Variants in RAPSN observed in about 807,000 individuals in gnomAD.
RAPSN encodes 43 kDa receptor-associated protein of the synapse.
A neutral mutation model predicts 45.7 loss-of-function variants in RAPSN; 33 were observed. The observed-to-expected ratio is 0.72, with a 90% CI of 0.55 to 0.97. The LOEUF is 0.97. RAPSN is among the 50% of genes least tolerant of loss of function. The probability of loss-of-function intolerance (pLI) is 0.00; values close to 1 mark genes in which losing one functional copy is unlikely to be tolerated. For synonymous variants in RAPSN, 244 were observed against 233.6 expected (o/e 1.04, Z -0.40); for missense variants, 519 against 559.4 (o/e 0.93, Z 0.73).
intron 2 of RAPSN, among the ~76,000 whole-genome samples, chr11:47,443,365 C>G (rs2076380032): frequency 6.6e-6 from 1 of 152,184 alleles, no homozygotes; most frequent in African/African-American, 2.4e-5. Context: ...TTTCTACCTG[C>G]TCATGGTCAG....
At chr11:47,443,309 G>A (rs1043446641) in intron 2 of RAPSN, among the ~76,000 whole-genome samples, 2 of 152,176 alleles carry the variant, frequency 1.3e-5, no homozygotes, top group African/African-American at 2.4e-5. Context: ...TCAGCGAGGC[G>A]ATGCAACCAT....
At chr11:47,444,462 A>G (rs2076389016) in intron 2 of RAPSN, among the ~76,000 whole-genome samples, 1 of 151,984 alleles carries the variant, frequency 6.6e-6, no homozygotes, top group Admixed American at 6.6e-5. Context: ...TCGCTTGAAC[A>G]CAGGAGTTTT....
chr11:47,448,025 G>A lies in RAPSN; in HGVS notation c.318C>T (p.Cys106=), dbSNP rs2076423585. 7 of 1,613,936 alleles carry A rather than the reference G, an allele frequency of 4.3e-6. No individual in the cohort carries two copies. Among genetic ancestry groups the A allele is most frequent in the Non-Finnish European group, 5.9e-6 (7 of 1,180,008 alleles). The part of the protein sequence containing the change: ...LCEFHKTISY[C]KTCLGLPGTR... Reference sequence around the variant, plus strand: ...TACCAGGCAGCCCAAGGCAGGTCTTGCAGTAGGAGATGGTCTTGTGAAACT... The same window carrying A: ...TACCAGGCAGCCCAAGGCAGGTCTTACAGTAGGAGATGGTCTTGTGAAACT... Residue 106 remains cysteine (C), a synonymous_variant, in exon 2 of 8, where the codon TGC becomes TGT. Coordinates refer to ENST00000298854, the MANE Select transcript of RAPSN (RefSeq NM_005055.5).
At position 47,437,951 on chromosome 11, in the gene RAPSN, G is replaced by A; in HGVS notation, c.*24C>T. The stretch of plus-strand genomic sequence containing the variant: ...GAGAAAGAGCAGGAGTGGCGAGGAG[G>A]AAGCCCACGCCTGCTGCCAGGAGTC... On this transcript the variant is annotated 3_prime_UTR_variant, in exon 8 of 8. Transcript: ENST00000298854. 1 of 1,550,722 alleles carries A rather than the reference G, an allele frequency of 6.4e-7. No homozygotes were observed. The highest frequency in any genetic ancestry group is 8.7e-7 in the Non-Finnish European group (1 of 1,146,644).
intron 6 of RAPSN, among the ~76,000 whole-genome samples, chr11:47,439,388 C>G (rs984848459): frequency 1.3e-5 from 2 of 152,140 alleles, no homozygotes; most frequent in Non-Finnish European, 2.9e-5. Context: ...GCAGGAGAAT[C>G]GCTTGAACCC....
In RAPSN at chr11:47,438,857, C is replaced by G. The variant is rs149683345; in HGVS notation, c.1041G>C (p.Ala347=). ...CGCACTCGTGGAACCTCACAACGTG[C>G]GCCCGCAGTTCCCGCTGCAGCCCTT... is the stretch of plus-strand genomic sequence containing the variant. ...RSKGLQRELR[A]HVVRFHECVE... The change falls in exon 7 of 8, where the codon GCG becomes GCC. Residue 347 remains alanine, a synonymous_variant. Coordinates refer to ENST00000298854, the MANE Select transcript of RAPSN (RefSeq NM_005055.5). The G allele has an allele frequency of 6.4e-7, 1 of 1,569,428 alleles. No individual in the cohort carries two copies. Among genetic ancestry groups the G allele is most frequent in the African/African-American group, 1.3e-5 (1 of 74,208 alleles).
intron 2 of RAPSN, among the ~76,000 whole-genome samples, chr11:47,446,598 G>A (rs868624010): frequency 6.6e-6 from 1 of 152,100 alleles, no homozygotes; most frequent in Non-Finnish European, 1.5e-5. Context: ...TACCTGAGGG[G>A]AAAGGGAACA....
At chr11:47,448,626 C>T (rs1438570218) in intron 1 of RAPSN, 147 bp downstream of exon 1, 3 of 975,972 alleles carry the variant, frequency 3.1e-6, no homozygotes, top group South Asian at 3.1e-5. Context: ...AGACCCAGGG[C>T]CTTAGATATA....
chr11:47,440,905 T>C (rs1473913919), intron 6 of RAPSN, among the ~76,000 whole-genome samples: 1 of 152,140 alleles, frequency 6.6e-6, no homozygotes, highest in Non-Finnish European at 1.5e-5. Context: ...TCCAGCCCAC[T>C]GTTAGGGGTT....
At chr11:47,447,722 G>A in intron 2 of RAPSN, 90 bp downstream of exon 2, 3 of 1,389,822 alleles carry the variant, frequency 2.2e-6, no homozygotes, top group Non-Finnish European at 3.0e-6. Context: ...CTAAAAGGAG[G>A]GCTGAATGAG....
In RAPSN at chr11:47,438,719, C is replaced by A. The variant is rs745720985; in HGVS notation, c.1166+13G>T. The stretch of plus-strand genomic sequence containing the variant: ...TCCTGCCCACCCCTGTCCACCCCCC[C>A]AGGAGCCCCCACCTGAGGTGGAAGA... On this transcript the variant is annotated intron_variant, in intron 7 of 7. Coordinates refer to ENST00000298854, the MANE Select transcript of RAPSN (RefSeq NM_005055.5). 2 of 1,555,830 alleles carry A rather than the reference C, an allele frequency of 1.3e-6. No individual in the cohort carries two copies. The highest frequency in any genetic ancestry group is 1.2e-5 in the South Asian group (1 of 84,144).
At chr11:47,447,667 G>T in intron 2 of RAPSN, 145 bp downstream of exon 2, 3 of 995,306 alleles carry the variant, frequency 3.0e-6, no homozygotes, top group Non-Finnish European at 4.5e-6. Context: ...TTACCTTCCT[G>T]GATAAGCCTT....
intron 6 of RAPSN, among the ~76,000 whole-genome samples, chr11:47,440,294 T>C (rs887521316): frequency 6.6e-6 from 1 of 152,106 alleles, no homozygotes; most frequent in Non-Finnish European, 1.5e-5. Context: ...TTTGTTTGTT[T>C]TGAGATAAGG....
At chr11:47,439,732 A>AGATG (rs2076348697) in intron 6 of RAPSN, among the ~76,000 whole-genome samples, 1 of 20,338 alleles carries the variant, frequency 4.9e-5, no homozygotes, top group Non-Finnish European at 1.5e-4. Flanking sequence ...TTTTTTTTTT[A>AGATG]GATGGAGTCT....
intron 6 of RAPSN, among the ~76,000 whole-genome samples, chr11:47,440,734 G>A (rs1268522671): frequency 6.6e-6 from 1 of 152,192 alleles, no homozygotes; most frequent in Non-Finnish European, 1.5e-5. Flanking sequence ...GGAGACAAGA[G>A]CAAAACTCAA....
In RAPSN at chr11:47,440,625, A is replaced by G. The variant is rs78559029; in HGVS notation, c.966+534T>C. 4.7e-3 allele frequency among the ~76,000 whole-genome samples: 721 copies of G among 152,256 alleles called. 44 individuals are homozygous for G. The East Asian group carries it at 0.12, about 25-fold the overall frequency. On this transcript the variant is annotated intron_variant, in intron 6 of 7. Coordinates refer to ENST00000298854, the MANE Select transcript of RAPSN (RefSeq NM_005055.5). ...TAGCCCAGTGTGGTGGCGGGTGCCT[A>G]TAATCCCAGCTACTCAGGAGGCTGA...
rs774372753 is a variant in RAPSN, at chr11:47,438,718, C to A, written c.1166+14G>T. 1 of 1,555,388 alleles carries A rather than the reference C, an allele frequency of 6.4e-7. No homozygotes were observed. The highest frequency in any genetic ancestry group is 2.4e-5 in the East Asian group (1 of 41,936). On this transcript the variant is annotated intron_variant, in intron 7 of 7. Coordinates refer to ENST00000298854, the MANE Select transcript of RAPSN (RefSeq NM_005055.5). ...ATCCTGCCCACCCCTGTCCACCCCC[C>A]CAGGAGCCCCCACCTGAGGTGGAAG...
rs1445412079 is a variant in RAPSN, at chr11:47,448,896, C to A, written c.69G>T (p.Glu23Asp). 1 of 1,614,244 alleles carries A rather than the reference C, an allele frequency of 6.2e-7. No homozygotes were observed. The highest frequency in any genetic ancestry group is 2.2e-5 in the East Asian group (1 of 44,874). Reference protein sequence around the residue: ...GLQLYQSNQTEKALQVWTKVL... With the variant: ...GLQLYQSNQTDKALQVWTKVL... ...CCTTTGTCCACACCTGCAATGCCTT[C>A]TCTGTCTGGTTGGACTGGTACAGCT... The change falls in exon 1 of 8, where the codon GAG becomes GAT. Residue 23 changes from glutamate to aspartate, a missense_variant. Glu to Asp is a conservative substitution (Grantham distance 45, BLOSUM62 2). Transcript: ENST00000298854.
At position 47,441,906 on chromosome 11, in the gene RAPSN, C is replaced by T. The variant is rs545915312; in HGVS notation, c.706G>A (p.Ala236Thr). Residue 236 changes from alanine to threonine, a missense_variant, in exon 4 of 8, where the codon GCG becomes ACG. By Grantham distance (58) the Ala-to-Thr change is moderately conservative (BLOSUM62 0). Coordinates refer to ENST00000298854, the MANE Select transcript of RAPSN (RefSeq NM_005055.5). ...AGTGGCCGGTCCCCGTGCTGCAGCG[C>T]GATCTTCATAGACTCCTGCGAGGGA... Reference protein sequence around the residue: ...MECCEESMKIALQHGDRPLQA... With the variant: ...MECCEESMKITLQHGDRPLQA... The T allele has an allele frequency of 1.8e-5, 29 of 1,575,804 alleles. No individual in the cohort carries two copies. The highest frequency in any genetic ancestry group is 8.2e-5 in the African/African-American group (6 of 73,272).
Sources: allele counts gnomAD v4.1 joint callset (sites outside exome capture counted in the v4.1 genomes callset), GRCh38; gene constraint gnomAD v4.1.1; transcripts MANE v1.5; gene names NCBI Gene and HGNC (gene_info 2026-07-23, HGNC 2026-07-21).